Variants in CLCN5 observed in about 807,000 individuals in gnomAD.
The protein encoded by CLCN5 is Cl-/H+ antiporter 5, also known as H(+)/Cl(-) exchange transporter 5.
Under a neutral mutation model 54.0 loss-of-function variants are expected in CLCN5, and 17 were observed. The observed-to-expected ratio is 0.31, with a 90% confidence interval of 0.22 to 0.47. The LOEUF is 0.47. CLCN5 is among the 20% of genes least tolerant of loss of function. The probability of loss-of-function intolerance (pLI) is 1.00; values close to 1 mark genes in which losing one functional copy is unlikely to be tolerated. For synonymous variants in CLCN5, 222 were observed against 233.0 expected, an observed-to-expected ratio of 0.95 and a Z score of 0.43; for missense variants, 448 against 646.7, an observed-to-expected ratio of 0.69 and a Z score of 3.33.
intron 3 of CLCN5, among the ~76,000 whole-genome samples, chrX:50,028,124 G>T (rs1317801731): frequency 8.9e-6 from 1 of 111,788 alleles, no homozygotes; most frequent in Non-Finnish European, 1.9e-5. Context: ...TTATGACTTT[G>T]AAAAGTGCTT....
intron 3 of CLCN5, among the ~76,000 whole-genome samples, chrX:49,936,478 A>C (rs1056483841): frequency 1.8e-5 from 2 of 112,267 alleles, no homozygotes; most frequent in Admixed American, 9.5e-5. Flanking sequence ...GAGGAATAGC[A>C]TTCTTTGAAT....
At chrX:50,016,749 C>G (rs1418252477) in intron 3 of CLCN5, among the ~76,000 whole-genome samples, 1 of 107,887 alleles carries the variant, frequency 9.3e-6, no homozygotes, top group Non-Finnish European at 1.9e-5. Context: ...CTCCCCCACC[C>G]TAAACCCCTG....
intron 3 of CLCN5, among the ~76,000 whole-genome samples, chrX:49,937,293 T>G (rs1926049541): frequency 8.9e-6 from 1 of 111,951 alleles, no homozygotes; most frequent in African/African-American, 3.2e-5. Context: ...CCTTGGAGAT[T>G]AGAGGTGGCA....
intron 3 of CLCN5, among the ~76,000 whole-genome samples, chrX:49,973,916 C>T (rs1420363295): frequency 1.8e-5 from 2 of 111,939 alleles, no homozygotes; most frequent in African/African-American, 6.5e-5. Context: ...GTAGTCACCC[C>T]CCAGCCTTGC....
chrX:49,934,568 C>G (rs187196973), intron 3 of CLCN5, among the ~76,000 whole-genome samples: 13 of 111,639 alleles, frequency 1.2e-4, no homozygotes, highest in Admixed American at 1.1e-3. Flanking sequence ...TGATTTTCAA[C>G]CCAATACCAT....
At chrX:50,085,187 A>G (rs1333729775) in intron 9 of CLCN5, among the ~76,000 whole-genome samples, 1 of 112,129 alleles carries the variant, frequency 8.9e-6, no homozygotes, top group Non-Finnish European at 1.9e-5. Flanking sequence ...ATCTCTCTCC[A>G]TAGCAACCAG....
At chrX:49,946,704 A>AT (rs1382244204) in intron 3 of CLCN5, among the ~76,000 whole-genome samples, 1 of 111,788 alleles carries the variant, frequency 8.9e-6, no homozygotes, top group Non-Finnish European at 1.9e-5. Context: ...GGGAAAGGTG[A>AT]TTAAACAAGG....
intron 1 of CLCN5, among the ~76,000 whole-genome samples, chrX:49,923,072 G>A (rs782394294): frequency 2.6e-4 from 29 of 113,068 alleles, no homozygotes; most frequent in African/African-American, 9.3e-4. Context: ...AAGTTTCCTT[G>A]CGGAGCGGCG....
intron 3 of CLCN5, among the ~76,000 whole-genome samples, chrX:50,027,309 C>T (rs1001165570): frequency 3.6e-5 from 4 of 111,717 alleles, no homozygotes; most frequent in Admixed American, 9.5e-5. Context: ...CAACCAACCA[C>T]GCCTGGCTTC....
intron 3 of CLCN5, among the ~76,000 whole-genome samples, chrX:49,988,826 G>A (rs1389319877): frequency 9.0e-6 from 1 of 111,067 alleles, no homozygotes; most frequent in African/African-American, 3.3e-5. Context: ...AATATGGAGT[G>A]TGGGGGCTGG....
chrX:50,065,288 C>G (rs1391015468), intron 4 of CLCN5, among the ~76,000 whole-genome samples: 6 of 92,024 alleles, frequency 6.5e-5, no homozygotes, highest in East Asian at 3.3e-4. Context: ...TAGCCAGAAT[C>G]TACAATGAAC....
At chrX:50,045,111 G>A (rs970877877) in intron 4 of CLCN5, among the ~76,000 whole-genome samples, 12 of 111,490 alleles carry the variant, frequency 1.1e-4, no homozygotes, top group African/African-American at 3.6e-4. Flanking sequence ...GAAGGTCAGG[G>A]AAGGTTTCTC....
intron 4 of CLCN5, among the ~76,000 whole-genome samples, chrX:50,059,887 G>A (rs1303803946): frequency 9.3e-6 from 1 of 107,366 alleles, no homozygotes; most frequent in South Asian, 4.3e-4. Context: ...ATATTTTTAT[G>A]TACCAAAAAA....
At chrX:49,938,312 AAAG>A (rs1926114647) in intron 3 of CLCN5, among the ~76,000 whole-genome samples, 1 of 112,047 alleles carries the variant, frequency 8.9e-6, no homozygotes, top group Non-Finnish European at 1.9e-5. Flanking sequence ...TGGAACCAAA[AAAG>A]AGCCCACATT....
intron 4 of CLCN5, among the ~76,000 whole-genome samples, chrX:50,048,370 AC>A (rs1186886344): frequency 9.0e-6 from 1 of 110,988 alleles, no homozygotes; most frequent in African/African-American, 3.3e-5. Flanking sequence ...GTGGATGGGG[AC>A]CCCCTGGTTT....
intron 3 of CLCN5, among the ~76,000 whole-genome samples, chrX:50,010,991 TA>T (rs1323471183): frequency 4.5e-5 from 5 of 110,020 alleles, no homozygotes; most frequent in African/African-American, 1.7e-4. Context: ...GTGGGTGGGG[TA>T]CAGATACATG....
chrX:49,977,754 C>G (rs1205795192), intron 3 of CLCN5, among the ~76,000 whole-genome samples: 1 of 111,957 alleles, frequency 8.9e-6, no homozygotes, highest in African/African-American at 3.2e-5. Context: ...CTCCTAGTGT[C>G]TTTTCTTTCC....
At chrX:50,047,565 T>A (rs893035871) in intron 4 of CLCN5, among the ~76,000 whole-genome samples, 25 of 111,764 alleles carry the variant, frequency 2.2e-4, no homozygotes, top group African/African-American at 7.8e-4. Context: ...CCACTTACTT[T>A]TTTTTTAATT....
chrX:50,042,407 C>T lies in CLCN5; in HGVS notation c.108C>T (p.Thr36=), dbSNP rs111464924. Residue 36 remains threonine (T), a synonymous_variant, in exon 4 of 15, where the codon ACC becomes ACT. Coordinates refer to ENST00000376091, the MANE Select transcript of CLCN5 (RefSeq NM_001127898.4). ...SDEDLMDIPA[T]AMDFSMRDDV... ...AAGACCTGATGGACATTCCAGCAAC[C>T]GCTATGGATTTCTCCATGAGAGATG... 0.011 allele frequency: 13,159 copies of T among 1,149,919 alleles called. 1,027 individuals carry two copies. The African/African-American group carries it at 0.21, about 19-fold the overall frequency. 94.8% of individuals were successfully genotyped at this position (1,149,919 alleles called of 1,213,427 possible). A position where few individuals can be genotyped will look rare whatever the true frequency, so the allele number is the denominator to read the frequency against.
Sources: allele counts gnomAD v4.1 joint callset (sites outside exome capture counted in the v4.1 genomes callset), GRCh38; gene constraint gnomAD v4.1.1; transcripts MANE v1.5; gene names NCBI Gene and HGNC (gene_info 2026-07-23, HGNC 2026-07-21).